The following HMGA2 variants were observed in gnomAD, a reference collection of about 807,000 sequenced individuals.
The protein encoded by HMGA2 is high mobility group AT-hook 2.
In HMGA2, 8 loss-of-function variants were observed where a neutral mutation model predicts 19.1. The ratio of observed to expected loss-of-function variants is 0.42; its 90% CI spans 0.25 to 0.76. The LOEUF is 0.76. Ranked by LOEUF, HMGA2 falls within the 30% of genes least tolerant of loss-of-function variation. The pLI is 0.28. For missense variants in HMGA2, 109 were observed against 136.3 expected, an observed-to-expected ratio of 0.80 and a Z score of 1.00; for synonymous variants, 60 against 48.8, an observed-to-expected ratio of 1.23 and a Z score of -0.96.
At chr12:65,925,673 A>C (rs1463802650) in intron 3 of HMGA2, among the ~76,000 whole-genome samples, 2 of 152,226 alleles carry the variant, frequency 1.3e-5, no homozygotes, top group Non-Finnish European at 1.5e-5. Context: ...TTGGAGTAAA[A>C]AATGAAATAA....
chr12:65,851,601 G>A (rs1871470098), intron 3 of HMGA2: 4 of 435,742 alleles, frequency 9.2e-6, no homozygotes, highest in South Asian at 6.5e-5. Flanking sequence ...TCAGGAGGCG[G>A]AGTTTGGAGT....
At chr12:65,889,964 G>T (rs1170852536) in intron 3 of HMGA2, among the ~76,000 whole-genome samples, 1 of 152,098 alleles carries the variant, frequency 6.6e-6, no homozygotes, top group South Asian at 2.1e-4. Context: ...AGACAGTCCA[G>T]CCATCTTCCT....
chr12:65,892,341 C>A (rs1286437729), intron 3 of HMGA2, among the ~76,000 whole-genome samples: 1 of 152,118 alleles, frequency 6.6e-6, no homozygotes, highest in African/African-American at 2.4e-5. Flanking sequence ...TTGAACTTGG[C>A]CTGCCAGCAC....
chr12:65,845,444 T>C (rs979332440), intron 3 of HMGA2, among the ~76,000 whole-genome samples: 1 of 152,118 alleles, frequency 6.6e-6, no homozygotes, highest in Non-Finnish European at 1.5e-5. Context: ...AATTTTTGTT[T>C]TTTTAGTAGA....
chr12:65,833,165 T>A (rs1870548726), intron 2 of HMGA2, among the ~76,000 whole-genome samples: 1 of 152,116 alleles, frequency 6.6e-6, no homozygotes, highest in Non-Finnish European at 1.5e-5. Flanking sequence ...AAGTGTTGCA[T>A]GTAAAATTAG....
chr12:65,945,773 T>A (rs546316871), intron 3 of HMGA2, among the ~76,000 whole-genome samples: 1 of 152,196 alleles, frequency 6.6e-6, no homozygotes. Flanking sequence ...GAACATTTTT[T>A]CTATAAATAA....
chr12:65,921,656 G>A (rs527402205), intron 3 of HMGA2, among the ~76,000 whole-genome samples: 5 of 152,344 alleles, frequency 3.3e-5, no homozygotes, highest in Admixed American at 1.3e-4. Flanking sequence ...ATTCAAGCCA[G>A]CTGCAGAAAT....
chr12:65,858,376 A>G (rs768801128), intron 3 of HMGA2: 3 of 152,024 alleles, frequency 2.0e-5, no homozygotes, highest in Non-Finnish European at 4.4e-5. Flanking sequence ...AGCAATTCCT[A>G]AAAGTATTGT....
At chr12:65,918,990 G>A (rs1199107465) in intron 3 of HMGA2, among the ~76,000 whole-genome samples, 5 of 152,266 alleles carry the variant, frequency 3.3e-5, no homozygotes, top group South Asian at 2.1e-4. Flanking sequence ...GAAGGGGTAC[G>A]GTTCTGATAA....
At chr12:65,859,935 T>C in intron 3 of HMGA2, 1 of 279,772 alleles carries the variant, frequency 3.6e-6, no homozygotes. Flanking sequence ...AAAAAAAAAA[T>C]TAAAAATTAG....
chr12:65,889,353 A>G (rs1358616421), intron 3 of HMGA2, among the ~76,000 whole-genome samples: 4 of 152,244 alleles, frequency 2.6e-5, no homozygotes, highest in African/African-American at 9.6e-5. Flanking sequence ...CTTTTCCAAC[A>G]AAGTGACCTT....
At chr12:65,929,785 G>C (rs773645637) in intron 3 of HMGA2, among the ~76,000 whole-genome samples, 4 of 152,114 alleles carry the variant, frequency 2.6e-5, no homozygotes, top group Admixed American at 6.6e-5. Context: ...TCATTTTAAA[G>C]AGGATATTCA....
intron 3 of HMGA2, among the ~76,000 whole-genome samples, chr12:65,875,150 A>G (rs1403371710): frequency 6.6e-6 from 1 of 152,182 alleles, no homozygotes; most frequent in African/African-American, 2.4e-5. Context: ...AGTAGTCCCA[A>G]ATTAATTTTT....
chr12:65,923,690 G>A (rs1353621173), intron 3 of HMGA2, among the ~76,000 whole-genome samples: 2 of 152,164 alleles, frequency 1.3e-5, no homozygotes, highest in Non-Finnish European at 2.9e-5. Context: ...GCTCTGATTG[G>A]AGATGCCAGA....
intron 3 of HMGA2, among the ~76,000 whole-genome samples, chr12:65,905,398 A>G (rs570810039): frequency 1.1e-4 from 16 of 152,298 alleles, no homozygotes; most frequent in African/African-American, 3.8e-4. Context: ...ATTCCATTGT[A>G]TTTTGAAACC....
intron 3 of HMGA2, among the ~76,000 whole-genome samples, chr12:65,878,941 C>T (rs1873205147): frequency 6.6e-6 from 1 of 152,172 alleles, no homozygotes; most frequent in East Asian, 1.9e-4. Flanking sequence ...TGTAATACTG[C>T]CTAAGCTCCA....
At chr12:65,869,642 C>T (rs1159313417) in intron 3 of HMGA2, among the ~76,000 whole-genome samples, 1 of 152,146 alleles carries the variant, frequency 6.6e-6, no homozygotes, top group East Asian at 1.9e-4. Context: ...ACCATTTTGA[C>T]AGTGTTTCAC....
At chr12:65,905,750 CT>C (rs1294817953) in intron 3 of HMGA2, among the ~76,000 whole-genome samples, 2 of 152,094 alleles carry the variant, frequency 1.3e-5, no homozygotes, top group East Asian at 3.8e-4. Context: ...AATACATTCT[CT>C]TTAGAAATTT....
At chr12:65,929,818 A>G (rs904362238) in intron 3 of HMGA2, among the ~76,000 whole-genome samples, 13 of 152,196 alleles carry the variant, frequency 8.5e-5, no homozygotes, top group African/African-American at 3.1e-4. Flanking sequence ...GGGAAAAACA[A>G]TTGGATAAAC....
Sources: allele counts gnomAD v4.1 joint callset (sites outside exome capture counted in the v4.1 genomes callset), GRCh38; gene constraint gnomAD v4.1.1; transcripts MANE v1.5; gene names NCBI Gene and HGNC (gene_info 2026-07-23, HGNC 2026-07-21).